Variants in ZFHX4 observed in about 807,000 individuals in gnomAD.
ZFHX4 encodes zinc finger homeobox 4.
A neutral mutation model predicts 267.6 loss-of-function variants in ZFHX4; 56 were observed. That is an observed-to-expected ratio of 0.21 (90% CI 0.17 to 0.26). ZFHX4 has a LOEUF of 0.26. ZFHX4 is among the 10% of genes least tolerant of loss of function. The pLI, the probability that ZFHX4 is intolerant of heterozygous loss-of-function variation, is 1.00. For synonymous variants in ZFHX4, 1,778 were observed against 1,665.6 expected (o/e 1.07, Z -1.64); for missense variants, 4,332 against 4,420.0 (o/e 0.98, Z 0.56).
At position 76,835,229 on chromosome 8, in the gene ZFHX4, A is replaced by ATATATATATGTATATATATGTG. The variant is rs1483224035; in HGVS notation, c.3394+1832_3394+1833insGTATATATATGTGTATATATAT. 4.0e-3 allele frequency among the ~76,000 whole-genome samples: 364 copies of ATATATATATGTATATATATGTG among 90,736 alleles called. 7 individuals are homozygous for ATATATATATGTATATATATGTG. Among genetic ancestry groups the ATATATATATGTATATATATGTG allele is most frequent in the African/African-American group, 0.022 (342 of 15,396 alleles). 59.5% of individuals were successfully genotyped at this position (90,736 alleles called of 152,430 possible). ...TTGGTGTATATATATGTATATATATATATATATATATGTATATATATATAT... is the reference window on the plus strand; with the variant it reads ...TTGGTGTATATATATGTATATATATATATATATATGTATATATATGTGTATATATATATGTATATATATATAT... On this transcript the variant is annotated intron_variant, in intron 5 of 10. Coordinates refer to ENST00000651372, the MANE Select transcript of ZFHX4 (RefSeq NM_024721.5).
At chr8:76,787,143 A>G (rs1810712559) in intron 4 of ZFHX4, among the ~76,000 whole-genome samples, 1 of 152,156 alleles carries the variant, frequency 6.6e-6, no homozygotes, top group South Asian at 2.1e-4. Context: ...TTCAAATCTT[A>G]TTGGCATACT....
chr8:76,739,470 G>A (rs1210784154), intron 3 of ZFHX4, among the ~76,000 whole-genome samples: 1 of 151,994 alleles, frequency 6.6e-6, no homozygotes, highest in Non-Finnish European at 1.5e-5. Flanking sequence ...GTGTGCCTGA[G>A]TTCACTCTTA....
At chr8:76,827,140 T>C (rs1811807056) in intron 4 of ZFHX4, among the ~76,000 whole-genome samples, 1 of 152,228 alleles carries the variant, frequency 6.6e-6, no homozygotes, top group Admixed American at 6.5e-5. Flanking sequence ...AGACAGTTTT[T>C]CCACAGACGG....
At chr8:76,774,664 T>G (rs911994256) in intron 3 of ZFHX4, among the ~76,000 whole-genome samples, 1 of 152,116 alleles carries the variant, frequency 6.6e-6, no homozygotes, top group Non-Finnish European at 1.5e-5. Context: ...AAATTAGAAT[T>G]GAAATTTATG....
intron 3 of ZFHX4, among the ~76,000 whole-genome samples, chr8:76,714,307 A>G (rs1259385833): frequency 2.0e-5 from 3 of 152,178 alleles, no homozygotes; most frequent in Non-Finnish European, 4.4e-5. Context: ...CAGGCCTCAC[A>G]CTGCTGAAAG....
intron 1 of ZFHX4, among the ~76,000 whole-genome samples, chr8:76,701,460 A>AT (rs1412743015): frequency 6.6e-6 from 1 of 152,096 alleles, no homozygotes; most frequent in African/African-American, 2.4e-5. Context: ...GGTTTTCATA[A>AT]TTTTTTATAT....
intron 3 of ZFHX4, among the ~76,000 whole-genome samples, chr8:76,767,575 G>T (rs755424969): frequency 1.3e-5 from 2 of 152,118 alleles, no homozygotes; most frequent in Non-Finnish European, 2.9e-5. Context: ...ATACCTGCAC[G>T]TAGCAGTTTA....
Position 76,864,121 on chromosome 8 carries a change from CT to C in ZFHX4, c.10409del (p.Leu3470CysfsTer11). The C allele has an allele frequency of 8.1e-6, 13 of 1,613,874 alleles. No individual in the cohort carries two copies. The highest frequency in any genetic ancestry group is 1.1e-5 in the Non-Finnish European group (13 of 1,179,856). On this transcript the variant is annotated frameshift_variant, in exon 11 of 11. Transcript: ENST00000651372. LOFTEE classifies it high-confidence loss of function. ...CACTTAGCCAACACCTCCAGTCAAG[CT>C]TGCACAAAGAGAAAACAATCAAACA... ...EALSQHLQSS[L>X]HKEKTIKQAM...
At chr8:76,822,049 T>C (rs1002638382) in intron 4 of ZFHX4, among the ~76,000 whole-genome samples, 62 of 152,066 alleles carry the variant, frequency 4.1e-4, no homozygotes, top group African/African-American at 1.4e-3. Flanking sequence ...CTTCATACCC[T>C]TGCCTACTTG....
chr8:76,832,246 A>AT (rs947020353), intron 4 of ZFHX4, among the ~76,000 whole-genome samples: 5 of 151,892 alleles, frequency 3.3e-5, no homozygotes, highest in Admixed American at 2.0e-4. Flanking sequence ...TTATGTGACC[A>AT]TTTTTTTTAA....
intron 5 of ZFHX4, among the ~76,000 whole-genome samples, chr8:76,838,782 A>T (rs898633423): frequency 1.3e-5 from 2 of 152,110 alleles, no homozygotes; most frequent in Non-Finnish European, 2.9e-5. Flanking sequence ...AGGGCCAGGC[A>T]CGGTGGCTCA....
chr8:76,704,211 C>T lies in ZFHX4; in HGVS notation c.123C>T (p.Asp41=), dbSNP rs1808180146. 3 of 1,613,930 alleles carry T rather than the reference C, an allele frequency of 1.9e-6. No homozygotes were observed. The highest frequency in any genetic ancestry group is 2.5e-6 in the Non-Finnish European group (3 of 1,179,878). ...VPEKVAGMEP[D]RENSSTDDNL... Reference sequence around the variant, plus strand: ...AGAAAGTTGCAGGGATGGAGCCTGACAGGGAAAACAGCTCCACAGATGACA... The same window carrying T: ...AGAAAGTTGCAGGGATGGAGCCTGATAGGGAAAACAGCTCCACAGATGACA... The change falls in exon 2 of 11, where the codon GAC becomes GAT. Residue 41 remains aspartate (D), a synonymous_variant. Transcript: ENST00000651372.
intron 3 of ZFHX4, among the ~76,000 whole-genome samples, chr8:76,757,465 T>C (rs1319438643): frequency 3.3e-5 from 5 of 152,162 alleles, no homozygotes; most frequent in Admixed American, 3.3e-4. Flanking sequence ...GGGGCTTTAT[T>C]CTGAGTGTGA....
At chr8:76,793,571 G>C (rs1250102084) in intron 4 of ZFHX4, among the ~76,000 whole-genome samples, 2 of 152,124 alleles carry the variant, frequency 1.3e-5, no homozygotes, top group East Asian at 3.9e-4. Flanking sequence ...AGATGAATTT[G>C]GGGATGTATA....
At chr8:76,714,351 G>C (rs571306175) in intron 3 of ZFHX4, among the ~76,000 whole-genome samples, 1 of 152,318 alleles carries the variant, frequency 6.6e-6, no homozygotes, top group South Asian at 2.1e-4. Flanking sequence ...GGAGGAGCTG[G>C]CATGTGTATA....
chr8:76,784,222 A>G (rs28542309), intron 4 of ZFHX4, among the ~76,000 whole-genome samples: 3 of 151,620 alleles, frequency 2.0e-5, no homozygotes, highest in Non-Finnish European at 3.0e-5. Flanking sequence ...GTTTTATTTT[A>G]TTTTATTTTA....
rs1807524398 is a variant in ZFHX4 at position 76,681,395 on chromosome 8, G to C, written c.-272G>C. 2.5e-6 allele frequency: 1 copy of C among 398,574 alleles called. No homozygotes were observed. Among genetic ancestry groups the C allele is most frequent in the Non-Finnish European group, 4.4e-6 (1 of 226,002 alleles). The allele number at this position is 398,574 out of a possible 1,614,324, so 24.7% of individuals were successfully genotyped here. On this transcript the variant is annotated 5_prime_UTR_variant, in exon 1 of 11. Coordinates refer to ENST00000651372, the MANE Select transcript of ZFHX4 (RefSeq NM_024721.5). ...ACAACCAAACAGCGAGACCGCGGTC[G>C]GCACATGCTTTAACTCCTCCCGGAC...
intron 1 of ZFHX4, chr8:76,683,400 TC>T (rs966964971): frequency 6.7e-5 from 7 of 103,760 alleles, no homozygotes; most frequent in Non-Finnish European, 1.3e-4. Context: ...CACAACAACA[TC>T]CCCCCCCACA....
intron 3 of ZFHX4, among the ~76,000 whole-genome samples, chr8:76,762,810 G>T (rs1293631858): frequency 2.6e-5 from 4 of 152,104 alleles, no homozygotes; most frequent in Non-Finnish European, 5.9e-5. Context: ...TCTCTCAATA[G>T]GTAACAGTTT....
Sources: allele counts gnomAD v4.1 joint callset (sites outside exome capture counted in the v4.1 genomes callset), GRCh38; gene constraint gnomAD v4.1.1; transcripts MANE v1.5; gene names NCBI Gene and HGNC (gene_info 2026-07-23, HGNC 2026-07-21).